The following DNAJC13 variants were observed in gnomAD, a reference collection of about 807,000 sequenced individuals.
DNAJC13 encodes the protein dnaJ homolog subfamily C member 13.
A neutral mutation model predicts 290.5 loss-of-function variants in DNAJC13; 75 were observed. The observed-to-expected ratio is 0.26, with a 90% CI of 0.21 to 0.31. The LOEUF (loss-of-function observed/expected upper bound fraction) is 0.31. Ranked by LOEUF, DNAJC13 falls within the 10% of genes least tolerant of loss-of-function variation. The pLI is 1.00. For missense variants in DNAJC13, 2,260 were observed against 2,674.5 expected, an observed-to-expected ratio of 0.85 and a Z score of 3.42; for synonymous variants, 862 against 892.0, an observed-to-expected ratio of 0.97 and a Z score of 0.60.
intron 39 of DNAJC13, among the ~76,000 whole-genome samples, chr3:132,501,569 CA>C (rs74269441): frequency 0.012 from 1,246 of 105,942 alleles, 9 homozygotes; most frequent in African/African-American, 0.037. Flanking sequence ...GACTCTGTCT[CA>C]AAAAAAAAAA....
At chr3:132,504,815 A>T (rs1245005148) in intron 41 of DNAJC13, among the ~76,000 whole-genome samples, 2 of 152,182 alleles carry the variant, frequency 1.3e-5, no homozygotes, top group East Asian at 3.9e-4. Flanking sequence ...ACAGCCTTCA[A>T]TATCAGGGTG....
At chr3:132,535,938 G>A (rs1019586150) in intron 55 of DNAJC13, among the ~76,000 whole-genome samples, 4 of 152,154 alleles carry the variant, frequency 2.6e-5, no homozygotes, top group Non-Finnish European at 4.4e-5. Context: ...AGAACTATCC[G>A]GGAATTGATT....
At chr3:132,427,807 G>A (rs1407307211) in intron 1 of DNAJC13, among the ~76,000 whole-genome samples, 1 of 151,112 alleles carries the variant, frequency 6.6e-6, no homozygotes, top group African/African-American at 2.4e-5. Context: ...TCTTTTTTTG[G>A]GTTATCTCAT....
chr3:132,473,703 C>T (rs1447242548), intron 21 of DNAJC13, among the ~76,000 whole-genome samples: 1 of 152,038 alleles, frequency 6.6e-6, no homozygotes, highest in African/African-American at 2.4e-5. Context: ...TACACACACA[C>T]AGGACAGGGA....
At chr3:132,493,418 C>T (rs1188447624) in intron 33 of DNAJC13, among the ~76,000 whole-genome samples, 1 of 151,914 alleles carries the variant, frequency 6.6e-6, no homozygotes, top group Non-Finnish European at 1.5e-5. Flanking sequence ...ATTCAGGATT[C>T]AACATGAGAT....
chr3:132,461,995 C>T (rs1933814029), intron 15 of DNAJC13, among the ~76,000 whole-genome samples: 1 of 152,112 alleles, frequency 6.6e-6, no homozygotes, highest in South Asian at 2.1e-4. Flanking sequence ...ACCTGGCCTC[C>T]ATTTTAGTAG....
At chr3:132,530,733 A>G (rs1936390750) in intron 54 of DNAJC13, among the ~76,000 whole-genome samples, 1 of 152,228 alleles carries the variant, frequency 6.6e-6, no homozygotes. Context: ...CTTGAATTAC[A>G]TATAAGTCGG....
At chr3:132,443,200 T>C (rs7609674) in intron 2 of DNAJC13, among the ~76,000 whole-genome samples, 8,483 of 152,258 alleles carry the variant, frequency 0.056, 443 homozygotes, top group African/African-American at 0.14. Context: ...TCATCTAGGC[T>C]GGAATACAGT....
intron 2 of DNAJC13, among the ~76,000 whole-genome samples, chr3:132,441,458 G>A (rs1933067697): frequency 6.6e-6 from 1 of 152,194 alleles, no homozygotes; most frequent in Admixed American, 6.5e-5. Context: ...TAACATAAAA[G>A]CTGTCTTCTA....
chr3:132,460,222 A>G (rs1441383271), intron 13 of DNAJC13, 28 bp from the exon 14 acceptor site: 1 of 1,467,296 alleles, frequency 6.8e-7, no homozygotes. Flanking sequence ...CTTATGAATT[A>G]TCACTGTTTT....
Position 132,516,934 on chromosome 3 carries a change from TGAAAGTTG to T in DNAJC13, c.5673+123_5673+130del, listed in dbSNP as rs1299536495. On this transcript the variant is annotated intron_variant, in intron 48 of 55. Coordinates refer to ENST00000260818, the MANE Select transcript of DNAJC13 (RefSeq NM_015268.4). ...GTGAGGATAAGGAAATGAGGTGATG[TGAAAGTTG>T]GAAAATTCACATTCCGGGAATTGTT... is the stretch of plus-strand genomic sequence containing the variant. 5 of 892,360 alleles carry T rather than the reference TGAAAGTTG, an allele frequency of 5.6e-6. No homozygotes were observed. In the African/African-American group the frequency reaches 8.5e-5, roughly 15 times the overall value. 55.3% of individuals were successfully genotyped at this position (892,360 alleles called of 1,614,324 possible). A position where few individuals can be genotyped will look rare whatever the true frequency, so the allele number is the denominator to read the frequency against.
rs530192284 is a variant in DNAJC13 at position 132,474,851 on chromosome 3, T to G, written c.2292-81T>G. The G allele has an allele frequency of 2.1e-5, 6 of 290,362 alleles. No homozygotes were observed. The South Asian group carries it at 6.5e-4, about 32-fold the overall frequency. 18.0% of individuals were successfully genotyped at this position (290,362 alleles called of 1,614,324 possible). A position where few individuals can be genotyped will look rare whatever the true frequency, so the allele number is the denominator to read the frequency against. On this transcript the variant is annotated intron_variant, in intron 21 of 55. Coordinates refer to ENST00000260818, the MANE Select transcript of DNAJC13 (RefSeq NM_015268.4). ...CTTTTTTTTTTTTTTTTTTGCTTAT[T>G]ATAAGGTCAGTAAGGGATATTTATA...
chr3:132,475,223 G>T (rs1400529737), intron 22 of DNAJC13, 138 bp downstream of exon 22: 8 of 563,412 alleles, frequency 1.4e-5, no homozygotes, highest in Non-Finnish European at 2.1e-5. Flanking sequence ...AGGAAATACT[G>T]GAAAACTTTA....
At chr3:132,537,117 C>T (rs780165877) in intron 55 of DNAJC13, 1 of 456,170 alleles carries the variant, frequency 2.2e-6, no homozygotes, top group Non-Finnish European at 4.4e-6. Flanking sequence ...TGCACTTCCT[C>T]ACAACTTCCC....
At chr3:132,486,082 C>CTTTTCTT (rs1934863138) in intron 29 of DNAJC13, among the ~76,000 whole-genome samples, 1 of 40,510 alleles carries the variant, frequency 2.5e-5, no homozygotes, top group Non-Finnish European at 4.2e-5. Context: ...ATGCCCTATC[C>CTTTTCTT]TTTTTTTTTT....
At chr3:132,503,895 T>G (rs993692410) in intron 41 of DNAJC13, among the ~76,000 whole-genome samples, 6 of 152,124 alleles carry the variant, frequency 3.9e-5, no homozygotes, top group African/African-American at 1.2e-4. Flanking sequence ...CAAGGATTAT[T>G]GAGAAATAAT....
chr3:132,471,841 G>GGAA (rs1202633209), intron 20 of DNAJC13, among the ~76,000 whole-genome samples: 2 of 147,738 alleles, frequency 1.4e-5, no homozygotes, highest in Admixed American at 6.8e-5. Context: ...TCCCAGACGG[G>GGAA]GTGGCGGCCG....
Position 132,444,330 on chromosome 3 carries a change from A to G in DNAJC13, c.69-2145A>G, listed in dbSNP as rs141419466. On this transcript the variant is annotated intron_variant, in intron 2 of 55. Coordinates refer to ENST00000260818, the MANE Select transcript of DNAJC13 (RefSeq NM_015268.4). ...GACAGTGGAAATTTTGCCATGTCAG[A>G]AAGTCTTTCTTATTGGACAATGTAG... is the stretch of plus-strand genomic sequence containing the variant. Among the ~76,000 whole-genome samples, 134 of 152,360 alleles carry G rather than the reference A, an allele frequency of 8.8e-4. 1 individual carries two copies. The highest frequency in any genetic ancestry group is 3.0e-3 in the African/African-American group (124 of 41,592).
intron 28 of DNAJC13, among the ~76,000 whole-genome samples, chr3:132,483,798 C>T (rs1934761299): frequency 6.6e-6 from 1 of 152,124 alleles, no homozygotes; most frequent in Admixed American, 6.5e-5. Flanking sequence ...AATAATGTTA[C>T]AAAACTGAGA....
Sources: gnomAD v4.1 joint callset for allele counts (sites outside exome capture counted in the v4.1 genomes callset) on GRCh38, gnomAD v4.1.1 for gene constraint, MANE v1.5 for transcripts, NCBI Gene and HGNC (gene_info 2026-07-23, HGNC 2026-07-21) for gene names.